The following FTCDNL1 variants were observed in gnomAD, a reference collection of about 807,000 sequenced individuals.
FTCDNL1 encodes formiminotransferase cyclodeaminase N-terminal like, also known as formiminotransferase N-terminal subdomain-containing protein.
FTCDNL1 carries 11 observed loss-of-function variants against 5.9 expected under a neutral mutation model. That is an observed-to-expected ratio of 1.87 (90% CI 1.18 to 3.10). The LOEUF (loss-of-function observed/expected upper bound fraction) is 3.10, where lower values mean the gene tolerates loss of function less well. Ranked by LOEUF, FTCDNL1 falls within the 30% of genes most tolerant of loss-of-function variation. FTCDNL1 has a pLI of 0.00. For synonymous variants in FTCDNL1, 58 were observed against 24.8 expected, an observed-to-expected ratio of 2.34 and a Z score of -3.99; for missense variants, 115 against 65.5, an observed-to-expected ratio of 1.76 and a Z score of -2.61.
intron 3 of FTCDNL1, among the ~76,000 whole-genome samples, chr2:199,763,272 G>C (rs1156593820): frequency 6.6e-6 from 1 of 151,734 alleles, no homozygotes; most frequent in African/African-American, 2.4e-5. Context: ...GGATGCTCCA[G>C]GGGCTCTGAG....
At chr2:199,744,128 A>G in the FTCDNL1 span, among the ~76,000 whole-genome samples, 2 of 152,158 alleles carry the variant, frequency 1.3e-5, no homozygotes, top group Non-Finnish European at 2.9e-5. Context: ...TTTCATTTTT[A>G]ATGACTATGA....
At chr2:199,680,312 T>C in the FTCDNL1 span, among the ~76,000 whole-genome samples, 1 of 152,120 alleles carries the variant, frequency 6.6e-6, no homozygotes, top group East Asian at 1.9e-4. Context: ...GCACAAATCA[T>C]AGAAGAAATG....
At chr2:199,792,155 AT>A (rs1158842338) in intron 3 of FTCDNL1, among the ~76,000 whole-genome samples, 1 of 152,158 alleles carries the variant, frequency 6.6e-6, no homozygotes, top group Non-Finnish European at 1.5e-5. Context: ...TTTTGAAAAA[AT>A]TATTTTTCTA....
At chr2:199,805,826 G>A (rs1700696720), downstream of FTCDNL1, among the ~76,000 whole-genome samples, 1 of 151,950 alleles carries the variant, frequency 6.6e-6, no homozygotes, top group African/African-American at 2.4e-5. Context: ...GGCTGAGGTG[G>A]GAGGATCACT....
At chr2:199,821,296 C>T (rs867295987) in intron 3 of FTCDNL1, among the ~76,000 whole-genome samples, 5 of 150,238 alleles carry the variant, frequency 3.3e-5, no homozygotes, top group African/African-American at 7.4e-5. Flanking sequence ...ATTACAGGCA[C>T]GTGCCACCAA....
the FTCDNL1 span, among the ~76,000 whole-genome samples, chr2:199,702,836 T>C: frequency 6.6e-6 from 1 of 152,064 alleles, no homozygotes; most frequent in East Asian, 1.9e-4. Flanking sequence ...TAAAACGAAG[T>C]GAGGACGGGA....
chr2:199,753,449 G>A, the FTCDNL1 span, among the ~76,000 whole-genome samples: 1 of 152,216 alleles, frequency 6.6e-6, no homozygotes, highest in African/African-American at 2.4e-5. Context: ...ATCTTCCCCA[G>A]TTACAGTGAG....
chr2:199,799,640 A>C (rs896940554), intron 3 of FTCDNL1, among the ~76,000 whole-genome samples: 1 of 152,198 alleles, frequency 6.6e-6, no homozygotes, highest in Non-Finnish European at 1.5e-5. Flanking sequence ...GTTTACAAAA[A>C]TATAAAACTA....
chr2:199,724,306 T>C, the FTCDNL1 span, among the ~76,000 whole-genome samples: 4 of 152,286 alleles, frequency 2.6e-5, no homozygotes, highest in Admixed American at 2.0e-4. Flanking sequence ...TAGTGGTCTA[T>C]ATATTTTATT....
At chr2:199,759,783 A>C (rs571506948), downstream of FTCDNL1, among the ~76,000 whole-genome samples, 1 of 152,284 alleles carries the variant, frequency 6.6e-6, no homozygotes, top group South Asian at 2.1e-4. Context: ...GATAAAACCA[A>C]TTGTTTCTCA....
At chr2:199,782,074 C>T (rs1410596702) in intron 3 of FTCDNL1, among the ~76,000 whole-genome samples, 3 of 152,290 alleles carry the variant, frequency 2.0e-5, no homozygotes, top group East Asian at 1.9e-4. Flanking sequence ...TGAGCCACTG[C>T]GCCAGGCCTT....
the FTCDNL1 span, among the ~76,000 whole-genome samples, chr2:199,727,702 TC>T: frequency 2.6e-5 from 4 of 152,272 alleles, no homozygotes; most frequent in East Asian, 3.9e-4. Flanking sequence ...CTGCTTCTAA[TC>T]AGCCATCTCA....
intron 3 of FTCDNL1, among the ~76,000 whole-genome samples, chr2:199,821,861 T>C (rs1468409323): frequency 6.6e-6 from 1 of 152,200 alleles, no homozygotes; most frequent in Admixed American, 6.5e-5. Context: ...TAAGTTTATT[T>C]TAGCCCTAAG....
chr2:199,748,700 C>G, the FTCDNL1 span, among the ~76,000 whole-genome samples: 8 of 152,194 alleles, frequency 5.3e-5, no homozygotes, highest in Non-Finnish European at 1.0e-4. Flanking sequence ...CTAAATCCTT[C>G]CATGACTTCC....
intron 3 of FTCDNL1, among the ~76,000 whole-genome samples, chr2:199,840,095 C>T (rs993679705): frequency 6.6e-6 from 1 of 152,140 alleles, no homozygotes; most frequent in Non-Finnish European, 1.5e-5. Context: ...CTGAGGGCAG[C>T]TAGTCCTAAC....
intron 3 of FTCDNL1, among the ~76,000 whole-genome samples, chr2:199,822,034 T>C (rs927427045): frequency 2.6e-5 from 4 of 152,216 alleles, no homozygotes; most frequent in African/African-American, 9.6e-5. Context: ...AAAGTTATGT[T>C]TATATTATAC....
chr2:199,712,039 G>A, the FTCDNL1 span, among the ~76,000 whole-genome samples: 20 of 152,128 alleles, frequency 1.3e-4, no homozygotes, highest in African/African-American at 4.1e-4. Flanking sequence ...AAGCTTCTAT[G>A]CAGATTTAGA....
chr2:199,734,927 A>G, the FTCDNL1 span, among the ~76,000 whole-genome samples: 1 of 152,252 alleles, frequency 6.6e-6, no homozygotes, highest in African/African-American at 2.4e-5. Flanking sequence ...AAAATGTGCT[A>G]AAGGGATTTG....
intron 3 of FTCDNL1, among the ~76,000 whole-genome samples, chr2:199,792,793 T>A (rs1699993830): frequency 1.3e-5 from 2 of 152,204 alleles, no homozygotes. Context: ...ACTCCACATG[T>A]GCAACCTTTG....
Sources: allele counts gnomAD v4.1 joint callset (sites outside exome capture counted in the v4.1 genomes callset), GRCh38; gene constraint gnomAD v4.1.1; transcripts MANE v1.5; gene names NCBI Gene and HGNC (gene_info 2026-07-23, HGNC 2026-07-21).